The following AOAH variants were observed in gnomAD, a reference collection of about 807,000 sequenced individuals.
The protein encoded by AOAH is acyloxyacyl hydrolase.
A neutral mutation model predicts 92.2 loss-of-function variants in AOAH; 64 were observed. The observed-to-expected ratio is 0.69, with a 90% CI of 0.57 to 0.86. AOAH has a LOEUF of 0.86. Ranked by LOEUF, AOAH falls within the 40% of genes least tolerant of loss-of-function variation. AOAH has a pLI of 0.00. For missense variants in AOAH, 656 were observed against 694.6 expected (o/e 0.94, Z 0.62); for synonymous variants, 263 against 254.5 (o/e 1.03, Z -0.32).
chr7:36,647,928 T>A (rs1462763916), intron 4 of AOAH, among the ~76,000 whole-genome samples: 1 of 152,004 alleles, frequency 6.6e-6, no homozygotes, highest in Non-Finnish European at 1.5e-5. Context: ...CCTCCTGGGT[T>A]CAAACTATTC....
At chr7:36,650,929 G>A (rs923876060) in intron 4 of AOAH, among the ~76,000 whole-genome samples, 1 of 152,216 alleles carries the variant, frequency 6.6e-6, no homozygotes, top group African/African-American at 2.4e-5. Flanking sequence ...GTTGGTCAGG[G>A]AGGGTCTTCC....
chr7:36,688,651 C>A lies in AOAH; in HGVS notation c.128-1857G>T, dbSNP rs1797186951. ...GGTGTGACTTTGAACAAGGTACCTA[C>A]CTTTCTGAAAATTTATTTCTAAGAG... On this transcript the variant is annotated intron_variant, in intron 1 of 20. Coordinates refer to ENST00000617537, the MANE Select transcript of AOAH (RefSeq NM_001637.4). Among the ~76,000 whole-genome samples, 4 of 152,020 alleles carry A rather than the reference C, an allele frequency of 2.6e-5. No individual in the cohort carries two copies. The South Asian group carries it at 8.3e-4, about 31-fold the overall frequency.
intron 4 of AOAH, among the ~76,000 whole-genome samples, chr7:36,649,817 T>A (rs562564873): frequency 6.6e-6 from 1 of 152,214 alleles, no homozygotes; most frequent in Non-Finnish European, 1.5e-5. Context: ...TCTCTTCAGA[T>A]CTGGCAGGGT....
chr7:36,561,487 G>A (rs1787262487), intron 13 of AOAH, among the ~76,000 whole-genome samples: 1 of 152,124 alleles, frequency 6.6e-6, no homozygotes, highest in South Asian at 2.1e-4. Context: ...AGTCTTTCTG[G>A]GAGTGAGTGC....
chr7:36,717,294 C>T (rs1799269800), intron 1 of AOAH, among the ~76,000 whole-genome samples: 1 of 152,114 alleles, frequency 6.6e-6, no homozygotes, highest in Non-Finnish European at 1.5e-5. Flanking sequence ...TCCCTCCAGT[C>T]ACAACAATAC....
chr7:36,569,387 C>T (rs1213462350), intron 13 of AOAH, among the ~76,000 whole-genome samples: 1 of 152,008 alleles, frequency 6.6e-6, no homozygotes, highest in Admixed American at 6.5e-5. Context: ...AAATTCAGAC[C>T]TGGGATTGGT....
intron 4 of AOAH, among the ~76,000 whole-genome samples, chr7:36,641,326 C>T (rs1793897347): frequency 6.6e-6 from 1 of 152,136 alleles, no homozygotes; most frequent in South Asian, 2.1e-4. Context: ...CTAGAAGCCC[C>T]CCCTCCTCAG....
At chr7:36,720,377 T>C (rs1195074779) in intron 1 of AOAH, among the ~76,000 whole-genome samples, 4 of 151,994 alleles carry the variant, frequency 2.6e-5, no homozygotes, top group Non-Finnish European at 4.4e-5. Flanking sequence ...TTCACCATAT[T>C]GACCAGGCAG....
chr7:36,634,959 CAGATGATATAGGGGCCCCT>C (rs1793421096), intron 5 of AOAH, among the ~76,000 whole-genome samples: 2 of 152,060 alleles, frequency 1.3e-5, no homozygotes, highest in South Asian at 4.1e-4. Flanking sequence ...AAGTGGGTGG[CAGATGATATAGGGGCCCCT>C]AGAATTCCTC....
chr7:36,713,711 T>C (rs1457317413), intron 1 of AOAH, among the ~76,000 whole-genome samples: 1 of 152,190 alleles, frequency 6.6e-6, no homozygotes, highest in Non-Finnish European at 1.5e-5. Context: ...CTGAACAACC[T>C]GCTCCTGAAT....
At chr7:36,713,949 T>C (rs1253499711) in intron 1 of AOAH, among the ~76,000 whole-genome samples, 1 of 152,096 alleles carries the variant, frequency 6.6e-6, no homozygotes, top group Non-Finnish European at 1.5e-5. Context: ...ATTCAAAAGC[T>C]AGCAGAAGGC....
intron 19 of AOAH, among the ~76,000 whole-genome samples, chr7:36,526,394 A>G (rs748535300): frequency 2.0e-5 from 3 of 152,218 alleles, no homozygotes; most frequent in Admixed American, 6.5e-5. Flanking sequence ...TTTTATCTGT[A>G]TCGTGACCAA....
chr7:36,582,074 G>A (rs936882070), intron 12 of AOAH, among the ~76,000 whole-genome samples: 1 of 152,204 alleles, frequency 6.6e-6, no homozygotes, highest in Non-Finnish European at 1.5e-5. Flanking sequence ...AGGACAAGCT[G>A]AGGCTACTAG....
Position 36,561,915 on chromosome 7 carries a change from G to T in AOAH, c.1022-12440C>A, listed in dbSNP as rs560603863. Among the ~76,000 whole-genome samples the T allele has an allele frequency of 7.2e-5, 11 of 152,264 alleles. No individual in the cohort carries two copies. In the South Asian group the frequency reaches 2.3e-3, roughly 32 times the overall value. On this transcript the variant is annotated intron_variant, in intron 13 of 20. Coordinates refer to ENST00000617537, the MANE Select transcript of AOAH (RefSeq NM_001637.4). The stretch of plus-strand genomic sequence containing the variant: ...TCCCTTTGCCACTCAGGACAAGGAT[G>T]CGAGACCAACGGCAATTGGCTGTGA...
At chr7:36,573,332 C>A (rs1414907380) in intron 13 of AOAH, among the ~76,000 whole-genome samples, 1 of 152,098 alleles carries the variant, frequency 6.6e-6, no homozygotes, top group African/African-American at 2.4e-5. Context: ...CTGTTGATTG[C>A]AAAAAAGATT....
chr7:36,576,115 C>A (rs1040559289), intron 13 of AOAH, among the ~76,000 whole-genome samples: 3 of 152,198 alleles, frequency 2.0e-5, no homozygotes, highest in Non-Finnish European at 4.4e-5. Flanking sequence ...TGGCAATAGA[C>A]CGCCTCCAGG....
chr7:36,567,589 T>C (rs183355588), intron 13 of AOAH, among the ~76,000 whole-genome samples: 1 of 152,230 alleles, frequency 6.6e-6, no homozygotes, highest in Non-Finnish European at 1.5e-5. Context: ...TCACACATTC[T>C]GCTAACGGAT....
chr7:36,589,504 G>A (rs1789596587), intron 12 of AOAH, among the ~76,000 whole-genome samples: 1 of 152,192 alleles, frequency 6.6e-6, no homozygotes. Flanking sequence ...AGCAGAAGCA[G>A]GAGCATCTCT....
Position 36,516,073 on chromosome 7 carries a change from C to T in AOAH, c.1600-2693G>A, listed in dbSNP as rs1783679577. ...CACACACCACACACTACACACACCA[C>T]ACGCCACATACACACCATACACACA... On this transcript the variant is annotated intron_variant, in intron 20 of 20. Transcript: ENST00000617537. The surrounding 1 kb of genome is among the most constrained non-coding windows in gnomAD (Gnocchi z 5.0). Among the ~76,000 whole-genome samples, 1 of 148,384 alleles carries T rather than the reference C, an allele frequency of 6.7e-6. No homozygotes were observed. The highest frequency in any genetic ancestry group is 1.5e-5 in the Non-Finnish European group (1 of 66,734).
Sources: allele counts gnomAD v4.1 joint callset (sites outside exome capture counted in the v4.1 genomes callset), GRCh38; gene constraint gnomAD v4.1.1; non-coding constraint Gnocchi (gnomAD v3.1); transcripts MANE v1.5; gene names NCBI Gene and HGNC (gene_info 2026-07-23, HGNC 2026-07-21).